EEFSEC: variants seen among roughly 807,000 people sequenced by gnomAD.
The protein encoded by EEFSEC is selenocysteine-specific elongation factor.
A neutral mutation model predicts 42.1 loss-of-function variants in EEFSEC; 43 were observed. The ratio of observed to expected loss-of-function variants is 1.02; its 90% CI spans 0.80 to 1.32. The LOEUF is 1.32. Ranked by LOEUF, EEFSEC falls within the 40% of genes most tolerant of loss-of-function variation. The probability of loss-of-function intolerance (pLI) is 0.00; values close to 1 mark genes in which losing one functional copy is unlikely to be tolerated. For synonymous variants in EEFSEC, 354 were observed against 339.1 expected, an observed-to-expected ratio of 1.04 and a Z score of -0.48; for missense variants, 745 against 803.6, an observed-to-expected ratio of 0.93 and a Z score of 0.88.
intron 4 of EEFSEC, among the ~76,000 whole-genome samples, chr3:128,302,034 G>T (rs2066774733): frequency 6.6e-6 from 1 of 152,194 alleles, no homozygotes; most frequent in African/African-American, 2.4e-5. Context: ...AAGTTGGTTA[G>T]AGTGTTAGTT....
At chr3:128,379,298 C>T (rs1365490996) in intron 6 of EEFSEC, among the ~76,000 whole-genome samples, 1 of 152,210 alleles carries the variant, frequency 6.6e-6, no homozygotes, top group African/African-American at 2.4e-5. Context: ...CCTCCTCCCG[C>T]TTTGGCCATT....
chr3:128,311,579 T>A (rs1167450986), intron 4 of EEFSEC, among the ~76,000 whole-genome samples: 1 of 152,240 alleles, frequency 6.6e-6, no homozygotes, highest in Non-Finnish European at 1.5e-5. Context: ...ATGGGGAGCT[T>A]CAGGCCCACG....
At chr3:128,409,435 A>G (rs2107643913), downstream of EEFSEC, among the ~76,000 whole-genome samples, 1 of 152,170 alleles carries the variant, frequency 6.6e-6, no homozygotes, top group South Asian at 2.1e-4. Flanking sequence ...AAATACACCA[A>G]CAGCAGAGCA....
intron 4 of EEFSEC, among the ~76,000 whole-genome samples, chr3:128,287,446 G>T (rs1421305645): frequency 6.6e-6 from 1 of 152,208 alleles, no homozygotes; most frequent in African/African-American, 2.4e-5. Flanking sequence ...TCATTTAACA[G>T]CTACACTTTT....
rs7631686 is a variant in EEFSEC, at chr3:128,228,702, C to G, written c.317-18134C>G. Among the ~76,000 whole-genome samples, 972 of 152,094 alleles carry G rather than the reference C, an allele frequency of 6.4e-3. 13 individuals carry two copies. Among genetic ancestry groups the G allele is most frequent in the African/African-American group, 0.022 (922 of 41,470 alleles). On this transcript the variant is annotated intron_variant, in intron 1 of 6. Transcript: ENST00000254730. ...GGGTCTGATCCTGTCCTTGCACTTACCTGACAATTTGGCCTTGGGCAAGCA... is the reference window on the plus strand; with the variant it reads ...GGGTCTGATCCTGTCCTTGCACTTAGCTGACAATTTGGCCTTGGGCAAGCA...
chr3:128,266,928 A>G (rs188687396), intron 4 of EEFSEC, among the ~76,000 whole-genome samples: 1 of 152,280 alleles, frequency 6.6e-6, no homozygotes, highest in East Asian at 1.9e-4. Flanking sequence ...CAGAAAATGA[A>G]TCAGTACTAA....
At chr3:128,206,612 A>G (rs1401589218) in intron 1 of EEFSEC, among the ~76,000 whole-genome samples, 6 of 152,230 alleles carry the variant, frequency 3.9e-5, no homozygotes, top group African/African-American at 1.4e-4. Context: ...CTTAGTGGCC[A>G]TGGATCTGTG....
At chr3:128,312,596 T>C (rs2066901587) in intron 4 of EEFSEC, among the ~76,000 whole-genome samples, 1 of 152,260 alleles carries the variant, frequency 6.6e-6, no homozygotes, top group Non-Finnish European at 1.5e-5. Context: ...AAGCGGAATG[T>C]TCCCGCTAAT....
At chr3:128,290,674 A>T (rs547530970) in intron 4 of EEFSEC, among the ~76,000 whole-genome samples, 31 of 152,108 alleles carry the variant, frequency 2.0e-4, no homozygotes, top group African/African-American at 7.2e-4. Flanking sequence ...ATCCATGAAC[A>T]TGGTATATCT....
At chr3:128,424,048 G>A in the EEFSEC span, among the ~76,000 whole-genome samples, 5 of 152,084 alleles carry the variant, frequency 3.3e-5, no homozygotes, top group African/African-American at 9.6e-5. Context: ...CCACACACCC[G>A]CACACACACA....
intron 6 of EEFSEC, among the ~76,000 whole-genome samples, chr3:128,400,705 G>GC (rs1195823225): frequency 6.6e-6 from 1 of 152,230 alleles, no homozygotes; most frequent in Non-Finnish European, 1.5e-5. Context: ...TTCCAGTCTG[G>GC]CCCCCAACAT....
chr3:128,283,256 CT>C (rs62726461), intron 4 of EEFSEC, among the ~76,000 whole-genome samples: 4,135 of 152,300 alleles, frequency 0.027, 206 homozygotes, highest in African/African-American at 0.093. Flanking sequence ...ACTGATTCAG[CT>C]CCAGGTCTCA....
At chr3:128,335,420 G>A (rs1364178177) in intron 4 of EEFSEC, among the ~76,000 whole-genome samples, 2 of 152,208 alleles carry the variant, frequency 1.3e-5, no homozygotes, top group Non-Finnish European at 2.9e-5. Context: ...GGTATGGGAA[G>A]GAAGTGAGGA....
chr3:128,333,794 T>C (rs956401963), intron 4 of EEFSEC, among the ~76,000 whole-genome samples: 3 of 152,164 alleles, frequency 2.0e-5, no homozygotes, highest in Admixed American at 6.5e-5. Flanking sequence ...CCTCAGAAAG[T>C]GCATGGTAAA....
chr3:128,221,594 C>G (rs187076304), intron 1 of EEFSEC, among the ~76,000 whole-genome samples: 1 of 152,242 alleles, frequency 6.6e-6, no homozygotes, highest in Admixed American at 6.5e-5. Context: ...TGCCGTAGCC[C>G]CTGATCTCCC....
intron 6 of EEFSEC, among the ~76,000 whole-genome samples, chr3:128,406,056 C>T (rs921458555): frequency 6.6e-6 from 1 of 152,218 alleles, no homozygotes; most frequent in Non-Finnish European, 1.5e-5. Flanking sequence ...CCCACCAGGA[C>T]CCCCCAGTGG....
intron 4 of EEFSEC, among the ~76,000 whole-genome samples, chr3:128,296,539 C>A (rs1186441111): frequency 1.3e-5 from 2 of 152,214 alleles, no homozygotes; most frequent in African/African-American, 4.8e-5. Context: ...TCAGCATACT[C>A]ACCTTCATGG....
At chr3:128,255,371 A>G (rs566826142) in intron 2 of EEFSEC, among the ~76,000 whole-genome samples, 1 of 152,284 alleles carries the variant, frequency 6.6e-6, no homozygotes, top group African/African-American at 2.4e-5. Context: ...CCACAGAGGA[A>G]AGCGATTGCA....
the EEFSEC span, among the ~76,000 whole-genome samples, chr3:128,421,849 G>A: frequency 4.6e-5 from 7 of 152,316 alleles, no homozygotes; most frequent in African/African-American, 1.4e-4. Context: ...CGGTTACCCT[G>A]GAGCTGGGCT....
Sources: allele counts gnomAD v4.1 joint callset (sites outside exome capture counted in the v4.1 genomes callset), GRCh38; gene constraint gnomAD v4.1.1; transcripts MANE v1.5; gene names NCBI Gene and HGNC (gene_info 2026-07-23, HGNC 2026-07-21).